The following CRIM1 variants were observed in gnomAD, a reference collection of about 807,000 sequenced individuals.
CRIM1 encodes the protein cysteine-rich motor neuron 1 protein.
CRIM1 carries 32 observed loss-of-function variants against 116.4 expected under a neutral mutation model. The ratio of observed to expected loss-of-function variants is 0.27; its 90% confidence interval spans 0.21 to 0.37. The LOEUF is 0.37. Among genes scored for constraint, CRIM1 ranks in the 10% least tolerant of loss-of-function variants. The pLI is 1.00. For synonymous variants in CRIM1, 590 were observed against 509.2 expected (o/e 1.16, Z -2.13); for missense variants, 1,331 against 1,354.8 (o/e 0.98, Z 0.28).
Position 36,356,438 on chromosome 2 carries a change from G to A in CRIM1, c.146G>A (p.Arg49Lys). ...PCDESKCEEP[R>K]NCPGSIVQGV... The stretch of plus-strand genomic sequence containing the variant: ...GACGAGTCCAAGTGCGAGGAGCCCA[G>A]GAACTGCCCGGGGAGCATCGTGCAG... The change falls in exon 1 of 17, where the codon AGG becomes AAG. Residue 49 changes from arginine to lysine, a missense_variant. Physicochemically the swap from Arg to Lys is conservative, Grantham distance 26. This residue lies in a region of CRIM1 where 690 missense variants were observed against 676.0 expected (regional missense o/e 1.02). Transcript: ENST00000280527. This position sits in a 1 kb window ranked among gnomAD's most constrained non-coding sequence, Gnocchi z 4.3. 1 of 1,611,866 alleles carries A rather than the reference G, an allele frequency of 6.2e-7. No homozygotes were observed. The highest frequency in any genetic ancestry group is 8.5e-7 in the Non-Finnish European group (1 of 1,179,700).
At chr2:36,532,719 C>T (rs1666200526) in intron 13 of CRIM1, among the ~76,000 whole-genome samples, 3 of 152,296 alleles carry the variant, frequency 2.0e-5, no homozygotes, top group Admixed American at 2.0e-4. Context: ...TGGTTCCCCT[C>T]CTCACCCTGC....
chr2:36,457,984 G>A (rs528271859), intron 4 of CRIM1, among the ~76,000 whole-genome samples: 61 of 152,254 alleles, frequency 4.0e-4, no homozygotes, highest in South Asian at 3.5e-3. Context: ...CTTGTTTCCT[G>A]ACTAAAGGGC....
At chr2:36,388,387 T>A (rs1414905389) in intron 1 of CRIM1, among the ~76,000 whole-genome samples, 1 of 152,122 alleles carries the variant, frequency 6.6e-6, no homozygotes, top group Non-Finnish European at 1.5e-5. Flanking sequence ...TATTTTAAAT[T>A]TAAATTATGA....
intron 6 of CRIM1, 23 bp downstream of exon 6, chr2:36,477,094 G>T: frequency 6.4e-7 from 1 of 1,567,804 alleles, no homozygotes; most frequent in East Asian, 2.3e-5. Context: ...GCTAATTACA[G>T]ATTAACAGGA....
intron 4 of CRIM1, among the ~76,000 whole-genome samples, chr2:36,449,319 AC>A (rs1173548621): frequency 1.3e-5 from 2 of 152,104 alleles, no homozygotes; most frequent in African/African-American, 2.4e-5. Flanking sequence ...TCTGGCACTT[AC>A]CACTGAGCTG....
intron 13 of CRIM1, among the ~76,000 whole-genome samples, chr2:36,525,100 G>T (rs1665667210): frequency 6.6e-6 from 1 of 152,110 alleles, no homozygotes; most frequent in African/African-American, 2.4e-5. Context: ...GACCATGTTG[G>T]GAAGACTTAA....
intron 4 of CRIM1, among the ~76,000 whole-genome samples, chr2:36,452,303 CA>C (rs1466153323): frequency 6.6e-6 from 1 of 152,152 alleles, no homozygotes; most frequent in Admixed American, 6.5e-5. Context: ...TGACTCCTGA[CA>C]TACTATTATG....
chr2:36,392,628 A>G (rs1040611720), intron 1 of CRIM1, among the ~76,000 whole-genome samples: 1 of 152,182 alleles, frequency 6.6e-6, no homozygotes, highest in Non-Finnish European at 1.5e-5. Flanking sequence ...ATCCAACCTC[A>G]TTACATTTTT....
intron 1 of CRIM1, among the ~76,000 whole-genome samples, chr2:36,380,109 C>A (rs761410445): frequency 6.6e-6 from 1 of 152,142 alleles, no homozygotes; most frequent in Non-Finnish European, 1.5e-5. Flanking sequence ...CCCCAATCTC[C>A]CCAGCACTGT....
rs552430182 is a variant in CRIM1, at chr2:36,520,024, C to G, written c.2207-2068C>G. Among the ~76,000 whole-genome samples the G allele has an allele frequency of 5.9e-5, 9 of 152,204 alleles. No homozygotes were observed. The South Asian group carries it at 1.9e-3, about 32-fold the overall frequency. ...GAAGTGTAAAGAAAAGGGTCTAGAG[C>G]AGGAAAAATGAGAAAAGAGGCCCAA... is the stretch of plus-strand genomic sequence containing the variant. On this transcript the variant is annotated intron_variant, in intron 12 of 16. Transcript: ENST00000280527.
intron 15 of CRIM1, among the ~76,000 whole-genome samples, chr2:36,546,697 CCTT>C (rs925050403): frequency 2.0e-5 from 3 of 151,442 alleles, no homozygotes; most frequent in East Asian, 1.9e-4. Context: ...TACCTAAGCA[CCTT>C]CTTATTTCCT....
At chr2:36,535,492 A>G (rs552782528) in intron 13 of CRIM1, among the ~76,000 whole-genome samples, 1 of 152,338 alleles carries the variant, frequency 6.6e-6, no homozygotes, top group African/African-American at 2.4e-5. Context: ...TGCATTTTTT[A>G]ATAGATACTG....
chr2:36,436,243 G>A (rs570967987), intron 2 of CRIM1, among the ~76,000 whole-genome samples: 1 of 152,200 alleles, frequency 6.6e-6, no homozygotes, highest in East Asian at 1.9e-4. Flanking sequence ...TATGGTAATT[G>A]TACTACATTT....
intron 7 of CRIM1, among the ~76,000 whole-genome samples, chr2:36,486,427 T>C (rs1436821302): frequency 6.6e-6 from 1 of 152,204 alleles, no homozygotes. Context: ...AAGACTGTCA[T>C]ACTGAACCAA....
At chr2:36,396,456 G>A (rs1672035299) in intron 1 of CRIM1, among the ~76,000 whole-genome samples, 158 bp from the exon 2 acceptor site, 1 of 152,040 alleles carries the variant, frequency 6.6e-6, no homozygotes, top group Non-Finnish European at 1.5e-5. Context: ...GAAGAGATTG[G>A]GTTTCATTCA....
At chr2:36,416,483 G>A (rs1673632271) in intron 2 of CRIM1, among the ~76,000 whole-genome samples, 1 of 152,156 alleles carries the variant, frequency 6.6e-6, no homozygotes, top group Non-Finnish European at 1.5e-5. Context: ...GAAAGTATCT[G>A]TAAGTATAAA....
intron 7 of CRIM1, among the ~76,000 whole-genome samples, chr2:36,498,465 A>C (rs1017730772): frequency 6.6e-6 from 1 of 152,264 alleles, no homozygotes; most frequent in African/African-American, 2.4e-5. Flanking sequence ...TAAACCTTAT[A>C]TAAATACATA....
chr2:36,407,168 A>G (rs1290175388), intron 2 of CRIM1, among the ~76,000 whole-genome samples: 1 of 152,196 alleles, frequency 6.6e-6, no homozygotes, highest in Non-Finnish European at 1.5e-5. Context: ...CTCTGTTTGT[A>G]AAGACAATCA....
At chr2:36,420,502 G>A (rs375153563) in intron 2 of CRIM1, among the ~76,000 whole-genome samples, 93 of 152,184 alleles carry the variant, frequency 6.1e-4, no homozygotes, top group East Asian at 1.2e-3. Context: ...GATCACCAGC[G>A]TTGTCCCAGG....
Sources: gnomAD v4.1 joint callset for allele counts (sites outside exome capture counted in the v4.1 genomes callset) on GRCh38, gnomAD v4.1.1 for gene constraint, gnomAD v4.1.1 regional missense constraint, Gnocchi (gnomAD v3.1) non-coding constraint, MANE v1.5 for transcripts, NCBI Gene and HGNC (gene_info 2026-07-23, HGNC 2026-07-21) for gene names.